The following KIAA1217 variants were observed in gnomAD, a reference collection of about 807,000 sequenced individuals.
KIAA1217 encodes the protein sickle tail protein homolog.
Under a neutral mutation model 163.9 loss-of-function variants are expected in KIAA1217, and 88 were observed. That is an observed-to-expected ratio of 0.54 (90% confidence interval 0.45 to 0.64). The LOEUF (loss-of-function observed/expected upper bound fraction) is 0.64, where lower values mean the gene tolerates loss of function less well. Among genes scored for constraint, KIAA1217 ranks in the 30% least tolerant of loss-of-function variants. KIAA1217 has a pLI of 0.00. For synonymous variants in KIAA1217, 903 were observed against 923.1 expected (o/e 0.98, Z 0.39); for missense variants, 2,372 against 2,475.0 (o/e 0.96, Z 0.88).
intron 1 of KIAA1217, among the ~76,000 whole-genome samples, chr10:24,212,096 A>G (rs1339421901): frequency 1.3e-5 from 2 of 152,076 alleles, no homozygotes; most frequent in East Asian, 1.9e-4. Flanking sequence ...GAAAAAAGAA[A>G]AAAAAAGAAG....
chr10:24,289,838 A>G (rs928978910), intron 2 of KIAA1217, among the ~76,000 whole-genome samples: 8 of 151,990 alleles, frequency 5.3e-5, no homozygotes, highest in African/African-American at 1.9e-4. Flanking sequence ...GAGGGAAGGT[A>G]AGTGGTCAGA....
At chr10:24,531,411 G>C (rs964304127) in intron 14 of KIAA1217, among the ~76,000 whole-genome samples, 5 of 152,062 alleles carry the variant, frequency 3.3e-5, no homozygotes, top group African/African-American at 1.2e-4. Context: ...GCCAAGCCAG[G>C]GGCTATGGAT....
At chr10:24,006,863 TC>T (rs1211805639) in intron 1 of KIAA1217, among the ~76,000 whole-genome samples, 1 of 152,184 alleles carries the variant, frequency 6.6e-6, no homozygotes, top group Non-Finnish European at 1.5e-5. Flanking sequence ...CTGCAATGGT[TC>T]AGCTTTTCAT....
intron 14 of KIAA1217, 118 bp from the exon 15 acceptor site, chr10:24,531,712 C>A: frequency 2.0e-6 from 2 of 992,102 alleles, no homozygotes; most frequent in South Asian, 3.9e-5. Flanking sequence ...AATCCTTGCT[C>A]TATGGAGAGA....
intron 1 of KIAA1217, among the ~76,000 whole-genome samples, chr10:23,917,243 A>G (rs1460949974): frequency 2.0e-5 from 3 of 152,194 alleles, no homozygotes; most frequent in Non-Finnish European, 4.4e-5. Flanking sequence ...ACCTCCACTG[A>G]GTCCATATTC....
chr10:24,293,082 G>T (rs985722520), intron 2 of KIAA1217, among the ~76,000 whole-genome samples: 1 of 151,998 alleles, frequency 6.6e-6, no homozygotes, highest in African/African-American at 2.4e-5. Context: ...TCCCTCTGTC[G>T]CCCAGCCAGG....
chr10:23,766,587 C>CTTTCT (rs1834533315), intron 1 of KIAA1217, among the ~76,000 whole-genome samples: 2 of 133,776 alleles, frequency 1.5e-5, no homozygotes, highest in African/African-American at 3.0e-5. Flanking sequence ...TTCTTTCTTT[C>CTTTCT]TTTTTTCTTT....
chr10:24,128,670 C>T (rs1313650303), intron 2 of KIAA1217, among the ~76,000 whole-genome samples: 4 of 152,168 alleles, frequency 2.6e-5, no homozygotes, highest in Non-Finnish European at 4.4e-5. Context: ...TTTTAATTGA[C>T]GTCTGTGACT....
intron 2 of KIAA1217, among the ~76,000 whole-genome samples, chr10:24,142,850 C>T (rs2064145551): frequency 6.6e-6 from 1 of 152,000 alleles, no homozygotes; most frequent in South Asian, 2.1e-4. Flanking sequence ...GAGTATTGTT[C>T]TTGATAATAA....
chr10:23,788,431 G>C (rs999748), intron 1 of KIAA1217, among the ~76,000 whole-genome samples: 1 of 152,120 alleles, frequency 6.6e-6, no homozygotes, highest in Admixed American at 6.6e-5. Context: ...TAGAGCTCAA[G>C]GTTTTTAATT....
At chr10:23,804,992 T>C (rs1836666669) in intron 1 of KIAA1217, among the ~76,000 whole-genome samples, 1 of 152,062 alleles carries the variant, frequency 6.6e-6, no homozygotes, top group Non-Finnish European at 1.5e-5. Flanking sequence ...TATTAAAAAG[T>C]AAAAGAATAA....
intron 2 of KIAA1217, among the ~76,000 whole-genome samples, chr10:24,298,477 G>A: frequency 6.6e-6 from 1 of 152,110 alleles, no homozygotes; most frequent in East Asian, 1.9e-4. Context: ...AAAAGTTAAA[G>A]GCTCAGACTT....
rs1469320407 is a variant in KIAA1217 at position 24,473,715 on chromosome 10, A to G, written c.1334A>G (p.His445Arg). The G allele has an allele frequency of 5.6e-6, 9 of 1,614,126 alleles. No homozygotes were observed. Among genetic ancestry groups the G allele is most frequent in the South Asian group, 1.1e-5 (1 of 91,072 alleles). ...AACCCCTCAATGCAAGCGGAAATGCATATGGAACAATCACTGTACAGACAG... is the reference window on the plus strand; with the variant it reads ...AACCCCTCAATGCAAGCGGAAATGCGTATGGAACAATCACTGTACAGACAG... ...YCNPSMQAEM[H>R]MEQSLYRQKS... Residue 445 changes from histidine to arginine, a missense_variant, in exon 6 of 21, where the codon CAT (histidine) becomes CGT (arginine). His to Arg is a conservative substitution (Grantham distance 29). Coordinates refer to ENST00000376454, the MANE Select transcript of KIAA1217 (RefSeq NM_019590.5).
chr10:24,192,172 C>A (rs889359294), intron 2 of KIAA1217, among the ~76,000 whole-genome samples: 1 of 152,086 alleles, frequency 6.6e-6, no homozygotes, highest in Non-Finnish European at 1.5e-5. Flanking sequence ...TGGTGAAGAG[C>A]GGAACAGTCA....
At chr10:24,208,494 T>G (rs992635225), upstream of KIAA1217, among the ~76,000 whole-genome samples, 3 of 152,112 alleles carry the variant, frequency 2.0e-5, no homozygotes, top group African/African-American at 7.2e-5. Flanking sequence ...TGAAATCGAC[T>G]GTGTGCAAAT....
At chr10:24,371,643 C>G (rs1398792314) in intron 2 of KIAA1217, among the ~76,000 whole-genome samples, 1 of 152,182 alleles carries the variant, frequency 6.6e-6, no homozygotes, top group Admixed American at 6.5e-5. Context: ...TTTCCCTTCC[C>G]ATGTTTTCCC....
intron 2 of KIAA1217, among the ~76,000 whole-genome samples, chr10:24,351,506 G>A (rs2048458089): frequency 6.6e-6 from 1 of 152,158 alleles, no homozygotes; most frequent in African/African-American, 2.4e-5. Flanking sequence ...TACCCACTGT[G>A]CAATGGAGGG....
chr10:24,232,842 C>T (rs1486660843), intron 2 of KIAA1217, among the ~76,000 whole-genome samples: 2 of 132,024 alleles, frequency 1.5e-5, no homozygotes, highest in African/African-American at 2.8e-5. Context: ...AGTACAAGGC[C>T]GGGCACAGTG....
Position 24,339,516 on chromosome 10 carries a change from C to G in KIAA1217, c.355-41353C>G, listed in dbSNP as rs939925896. 3.3e-5 allele frequency among the ~76,000 whole-genome samples: 5 copies of G among 152,286 alleles called. No individual in the cohort carries two copies. The East Asian group carries it at 9.6e-4, about 29-fold the overall frequency. ...CCTATTGAATTACTAGGTTCAGAAG[C>G]CAGTAAGTTCAAGGGTGAGGTGATA... On this transcript the variant is annotated intron_variant, in intron 2 of 20. Transcript: ENST00000376454.
Sources: allele counts gnomAD v4.1 joint callset (sites outside exome capture counted in the v4.1 genomes callset), GRCh38; gene constraint gnomAD v4.1.1; transcripts MANE v1.5; gene names NCBI Gene and HGNC (gene_info 2026-07-23, HGNC 2026-07-21).